The following FRY variants were observed in gnomAD, a reference collection of about 807,000 sequenced individuals.
FRY encodes protein furry homolog.
A neutral mutation model predicts 348.4 loss-of-function variants in FRY; 128 were observed. That is an observed-to-expected ratio of 0.37 (90% CI 0.32 to 0.43). The LOEUF is 0.43. FRY is among the 20% of genes least tolerant of loss of function. The pLI is 1.00. For missense variants in FRY, 2,736 were observed against 3,695.2 expected (o/e 0.74, Z 6.73); for synonymous variants, 1,370 against 1,374.7 (o/e 1.00, Z 0.08).
chr13:32,112,211 A>G (rs78527321), intron 3 of FRY, among the ~76,000 whole-genome samples: 11,166 of 151,964 alleles, frequency 0.073, 535 homozygotes, highest in Admixed American at 0.12. Context: ...TCTGTTATTA[A>G]CTTAGCCTGT....
chr13:32,239,974 G>A lies in FRY; in HGVS notation c.6687+93G>A, dbSNP rs1322751361. The A allele has an allele frequency of 9.6e-6, 10 of 1,046,146 alleles. No individual in the cohort carries two copies. Among genetic ancestry groups the A allele is most frequent in the East Asian group, 7.6e-5 (3 of 39,698 alleles). 64.8% of individuals were successfully genotyped at this position (1,046,146 alleles called of 1,614,324 possible). On this transcript the variant is annotated intron_variant, in intron 46 of 60. Coordinates refer to ENST00000542859, the MANE Select transcript of FRY (RefSeq NM_023037.3). The surrounding 1 kb of genome is among the most constrained non-coding windows in gnomAD (Gnocchi z 4.3). ...GGGCTCAAGCAGTCCTCCTGCCTTCGCCTCCCAGAGTGCTAGGATTACAGG... is the reference window on the plus strand; with the variant it reads ...GGGCTCAAGCAGTCCTCCTGCCTTCACCTCCCAGAGTGCTAGGATTACAGG...
chr13:32,119,087 A>G (rs117193473), intron 4 of FRY, among the ~76,000 whole-genome samples: 2 of 152,364 alleles, frequency 1.3e-5, no homozygotes, highest in Non-Finnish European at 2.9e-5. Flanking sequence ...CAGAGTAAGT[A>G]CTGAGATCAG....
At chr13:32,067,576 G>A (rs570503135) in intron 1 of FRY, among the ~76,000 whole-genome samples, 6 of 152,326 alleles carry the variant, frequency 3.9e-5, no homozygotes, top group African/African-American at 1.4e-4. Flanking sequence ...GGGAAGGCAA[G>A]TGTTAATTGT....
intron 55 of FRY, among the ~76,000 whole-genome samples, chr13:32,272,754 G>C (rs1289165151): frequency 6.6e-6 from 1 of 151,888 alleles, no homozygotes; most frequent in Non-Finnish European, 1.5e-5. Flanking sequence ...GGTTTTTTTT[G>C]AGACGGAGTC....
At chr13:32,169,809 A>C (rs983571420) in intron 17 of FRY, among the ~76,000 whole-genome samples, 1 of 152,154 alleles carries the variant, frequency 6.6e-6, no homozygotes, top group Admixed American at 6.5e-5. Context: ...AAATGAATGA[A>C]TATGTAAAGC....
In FRY at chr13:32,295,759, A is replaced by C; in HGVS notation, c.*299A>C. On this transcript the variant is annotated 3_prime_UTR_variant, in exon 61 of 61. Transcript: ENST00000542859. ...AAGAAGTGACTTCCGTTGCATACCA[A>C]AGCCGACTACACTGAACAGTACCTT... 2.0e-6 allele frequency: 1 copy of C among 494,592 alleles called. No individual in the cohort carries two copies. 30.6% of individuals were successfully genotyped at this position (494,592 alleles called of 1,614,324 possible). A position where few individuals can be genotyped will look rare whatever the true frequency, so the allele number is the denominator to read the frequency against.
At chr13:32,247,229 G>A (rs977824171) in intron 47 of FRY, 94 bp from the exon 48 acceptor site, 70 of 1,010,464 alleles carry the variant, frequency 6.9e-5, no homozygotes, top group Non-Finnish European at 9.1e-5. Context: ...AGTGAATTCT[G>A]ACTGGTCACT....
rs546331447 is a variant in FRY at position 32,161,231 on chromosome 13, A to T, written c.1872A>T (p.Glu624Asp). 1.2e-6 allele frequency: 2 copies of T among 1,605,740 alleles called. No individual in the cohort carries two copies. The highest frequency in any genetic ancestry group is 2.7e-5 in the African/African-American group (2 of 74,832). Reference protein sequence around the residue: ...RLLPDGMSKLELIDLLARLSI... With the variant: ...RLLPDGMSKLDLIDLLARLSI... The stretch of plus-strand genomic sequence containing the variant: ...TTCCTGATGGGATGTCAAAACTTGA[A>T]CTTATTGACTTACTGGCTAGGTAGG... Residue 624 changes from glutamate (E) to aspartate (D), a missense_variant, in exon 17 of 61, where the codon GAA (glutamate) becomes GAT (aspartate). Glu to Asp is a conservative substitution (Grantham distance 45). Around this residue, in one of 9 missense-constraint regions of FRY, gnomAD observed 191 missense variants for 370.2 expected, o/e 0.52. Transcript: ENST00000542859.
intron 1 of FRY, among the ~76,000 whole-genome samples, chr13:32,033,121 A>G (rs990053416): frequency 5.3e-5 from 8 of 152,200 alleles, no homozygotes; most frequent in Non-Finnish European, 8.8e-5. Flanking sequence ...CTGTTTTTCT[A>G]CAAGTGGGAA....
At chr13:32,105,109 C>T (rs936330578) in intron 3 of FRY, among the ~76,000 whole-genome samples, 1 of 152,200 alleles carries the variant, frequency 6.6e-6, no homozygotes, top group African/African-American at 2.4e-5. Flanking sequence ...TTTGAAGGTG[C>T]TTACTGTGGT....
chr13:32,230,358 T>TA (rs1307246081), intron 40 of FRY, among the ~76,000 whole-genome samples: 3 of 152,348 alleles, frequency 2.0e-5, no homozygotes, highest in African/African-American at 7.2e-5. Context: ...GCTAAGGTGA[T>TA]AGCCTCCAGC....
At chr13:32,087,950 C>A (rs1384119585) in intron 2 of FRY, among the ~76,000 whole-genome samples, 4 of 152,208 alleles carry the variant, frequency 2.6e-5, no homozygotes, top group Non-Finnish European at 5.9e-5. Context: ...CATTTACTAA[C>A]CTCAGCCATA....
rs2072080518 is a variant in FRY at position 32,297,442 on chromosome 13, T to G, written c.*1982T>G. 6.6e-6 allele frequency: 1 copy of G among 152,096 alleles called. No homozygotes were observed. Among genetic ancestry groups the G allele is most frequent in the African/African-American group, 2.4e-5 (1 of 41,406 alleles). 9.4% of individuals were successfully genotyped at this position (152,096 alleles called of 1,614,324 possible). ...AGAACAGATTCGTCATGAACTGAGT[T>G]TTCTACCATGGCTTCTTACCCAGCA... On this transcript the variant is annotated 3_prime_UTR_variant, in exon 61 of 61. Transcript: ENST00000542859.
chr13:32,146,517 G>A lies in FRY; in HGVS notation c.1180-765G>A, dbSNP rs945335334. Among the ~76,000 whole-genome samples, 5 of 151,966 alleles carry A rather than the reference G, an allele frequency of 3.3e-5. 1 individual carries two copies. In the South Asian group the frequency reaches 8.3e-4, roughly 25 times the overall value. On this transcript the variant is annotated intron_variant, in intron 11 of 60. Coordinates refer to ENST00000542859, the MANE Select transcript of FRY (RefSeq NM_023037.3). ...GGCCCAGCTAATTTTTGTATTTTTA[G>A]TAGAGACGGGATTTCACCATCTTGG...
intron 7 of FRY, among the ~76,000 whole-genome samples, chr13:32,127,571 A>T (rs1879096032): frequency 6.6e-6 from 1 of 152,142 alleles, no homozygotes; most frequent in Non-Finnish European, 1.5e-5. Flanking sequence ...AGGCCAGGAG[A>T]TCGAGACCAT....
intron 51 of FRY, among the ~76,000 whole-genome samples, chr13:32,260,150 T>C (rs1887555904): frequency 6.6e-6 from 1 of 152,234 alleles, no homozygotes; most frequent in Admixed American, 6.5e-5. Context: ...GACACGACCC[T>C]CTGCTTTAAA....
chr13:32,299,062 C>T lies in FRY; in HGVS notation c.*3602C>T, dbSNP rs564949802. 1 of 152,264 alleles carries T rather than the reference C, an allele frequency of 6.6e-6. No individual in the cohort carries two copies. The highest frequency in any genetic ancestry group is 2.4e-5 in the African/African-American group (1 of 41,546). The allele number at this position is 152,264 out of a possible 1,614,324, so 9.4% of individuals were successfully genotyped here. On this transcript the variant is annotated 3_prime_UTR_variant, in exon 61 of 61. Transcript: ENST00000542859. The stretch of plus-strand genomic sequence containing the variant: ...GTACTTAATGCCAATGAATTGTGTA[C>T]TTTAAAATGGTAAATTTTATGTTAT...
intron 2 of FRY, among the ~76,000 whole-genome samples, chr13:32,101,419 T>G (rs1877155558): frequency 6.6e-6 from 1 of 152,266 alleles, no homozygotes; most frequent in South Asian, 2.1e-4. Flanking sequence ...TGAATAATGC[T>G]GCAGTTAACA....
intron 7 of FRY, 25 bp downstream of exon 7, chr13:32,124,900 C>T: frequency 3.9e-6 from 6 of 1,524,424 alleles, no homozygotes; most frequent in Non-Finnish European, 5.5e-6. Context: ...GAACCCTTTA[C>T]CATGAGAACG....
Sources: allele counts gnomAD v4.1 joint callset (sites outside exome capture counted in the v4.1 genomes callset), GRCh38; gene constraint gnomAD v4.1.1; regional missense constraint gnomAD v4.1.1; non-coding constraint Gnocchi (gnomAD v3.1); transcripts MANE v1.5; gene names NCBI Gene and HGNC (gene_info 2026-07-23, HGNC 2026-07-21).